The following PROCA1 variants were observed in gnomAD, a reference collection of about 807,000 sequenced individuals.
PROCA1 encodes the protein protein interacting with cyclin A1, also known as protein PROCA1.
Under a neutral mutation model 23.2 loss-of-function variants are expected in PROCA1, and 22 were observed. That is an observed-to-expected ratio of 0.95 (90% CI 0.68 to 1.35). PROCA1 has a LOEUF of 1.35. PROCA1 is among the 40% of genes most tolerant of loss of function. The pLI is 0.00. For missense variants in PROCA1, 469 were observed against 459.8 expected, an observed-to-expected ratio of 1.02 and a Z score of -0.18; for synonymous variants, 182 against 179.2, an observed-to-expected ratio of 1.02 and a Z score of -0.12.
intron 3 of PROCA1, 116 bp from the exon 4 acceptor site, chr17:28,704,551 C>T (rs1048945754): frequency 6.5e-7 from 1 of 1,544,128 alleles, no homozygotes; most frequent in Non-Finnish European, 8.7e-7. Flanking sequence ...AGACCTCCTC[C>T]CCATTTCTCT....
At chr17:28,709,362 T>C (rs2032673562) in intron 1 of PROCA1, among the ~76,000 whole-genome samples, 2 of 151,498 alleles carry the variant, frequency 1.3e-5, no homozygotes, top group African/African-American at 4.8e-5. Context: ...TTCACGCCAT[T>C]CTCCTGCCTC....
chr17:28,708,093 T>TCCGCCTCC (rs2032607346), intron 1 of PROCA1, among the ~76,000 whole-genome samples: 1 of 152,182 alleles, frequency 6.6e-6, no homozygotes, highest in African/African-American at 2.4e-5. Context: ...TACTGCACCC[T>TCCGCCTCC]CCGCCTCCCG....
chr17:28,703,609 C>T lies in PROCA1; in HGVS notation c.1044G>A (p.Arg348=). The change falls in exon 5 of 5, where the codon AGG becomes AGA. Residue 348 remains arginine, a synonymous_variant. Coordinates refer to ENST00000682792, the MANE Select transcript of PROCA1 (RefSeq NM_001366301.1). ...GGGGAGATTTTCTCTTGTTTACCTT[C>T]CTGGCTTGTGAGGGCTTTGCCCCTG... ...KKTGAKPSQA[R]KVNKRKSPPG... The T allele has an allele frequency of 1.2e-6, 2 of 1,614,234 alleles. No individual in the cohort carries two copies. Among genetic ancestry groups the T allele is most frequent in the African/African-American group, 1.3e-5 (1 of 75,068 alleles).
chr17:28,705,114 C>T (rs1043173628), intron 2 of PROCA1: 93 of 351,298 alleles, frequency 2.6e-4, no homozygotes, highest in Middle Eastern at 2.4e-3. Flanking sequence ...CAGTGGGAGG[C>T]CTCCACCAGC....
chr17:28,704,798 C>T lies in PROCA1; in HGVS notation c.221G>A (p.Cys74Tyr), dbSNP rs1301073188. Residue 74 changes from cysteine (C) to tyrosine (Y), a missense_variant, in exon 3 of 5, where the codon TGC (cysteine) becomes TAC (tyrosine). Coordinates refer to ENST00000682792, the MANE Select transcript of PROCA1 (RefSeq NM_001366301.1). Reference protein sequence around the residue: ...PDKCCWRHKQCTGHIIYPFAS... With the variant: ...PDKCCWRHKQYTGHIIYPFAS... Reference sequence around the variant, plus strand: ...GAAAGGGTAGATGATGTGCCCAGTGCACTGCTTGTGTCTCCAGCAGCACTT... The same window carrying T: ...GAAAGGGTAGATGATGTGCCCAGTGTACTGCTTGTGTCTCCAGCAGCACTT... 8.1e-6 allele frequency: 13 copies of T among 1,613,548 alleles called. No individual in the cohort carries two copies. Among genetic ancestry groups the T allele is most frequent in the Non-Finnish European group, 1.0e-5 (12 of 1,179,986 alleles).
At position 28,703,916 on chromosome 17, in the gene PROCA1, T is replaced by C. The variant is rs2032274126; in HGVS notation, c.737A>G (p.Lys246Arg). Reference protein sequence around the residue: ...VKKKKEKEKDKEEMDEKAKLK... With the variant: ...VKKKKEKEKDREEMDEKAKLK... ...CTTTGCCTTCTCATCCATCTCCTCCTTGTCTTTCTCTTTTTCCTTTTTCTT... is the reference window on the plus strand; with the variant it reads ...CTTTGCCTTCTCATCCATCTCCTCCCTGTCTTTCTCTTTTTCCTTTTTCTT... Residue 246 changes from lysine to arginine, a missense_variant, in exon 5 of 5, where the codon AAG becomes AGG. Transcript: ENST00000682792. The C allele has an allele frequency of 6.2e-7, 1 of 1,613,770 alleles. No individual in the cohort carries two copies. Among genetic ancestry groups the C allele is most frequent in the African/African-American group, 1.3e-5 (1 of 74,894 alleles).
Position 28,711,072 on chromosome 17 carries a change from G to A in PROCA1, c.91+498C>T, listed in dbSNP as rs1031752855. ...GAAGCAAGGGAGGGGCAGTGCGCCCGCGTCTCCTTGGAAATGCCTCTCTGG... is the reference window on the plus strand; with the variant it reads ...GAAGCAAGGGAGGGGCAGTGCGCCCACGTCTCCTTGGAAATGCCTCTCTGG... On this transcript the variant is annotated intron_variant, in intron 1 of 4. Coordinates refer to ENST00000682792, the MANE Select transcript of PROCA1 (RefSeq NM_001366301.1). 4.2e-6 allele frequency: 5 copies of A among 1,184,024 alleles called. 1 individual carries two copies. In the Admixed American group the frequency reaches 1.0e-4, roughly 25 times the overall value. The allele number at this position is 1,184,024 out of a possible 1,614,324, so 73.3% of individuals were successfully genotyped here.
Position 28,704,726 on chromosome 17 carries a change from T to G in PROCA1, c.293A>C (p.His98Pro), listed in dbSNP as rs1391968591. The change falls in exon 3 of 5, where the codon CAC (histidine) becomes CCC (proline). Residue 98 changes from histidine (H) to proline (P), a missense_variant. Physicochemically the swap from His to Pro is moderately conservative, Grantham distance 77 (BLOSUM62 -2). Transcript: ENST00000682792. ...CCCTCACCTAGAATTACAGTTGCAG[T>G]GGTTGACAGAGTGTAGGTGCAGGCT... is the stretch of plus-strand genomic sequence containing the variant. ...RHSLHLHSVN[H>P]CNCNSRLKDS... The G allele has an allele frequency of 6.2e-7, 1 of 1,613,976 alleles. No homozygotes were observed. The highest frequency in any genetic ancestry group is 8.5e-7 in the Non-Finnish European group (1 of 1,179,988).
rs750263863 is a variant in PROCA1, at chr17:28,703,633, T to C, written c.1020A>G (p.Thr340=). 5 of 1,614,192 alleles carry C rather than the reference T, an allele frequency of 3.1e-6. No individual in the cohort carries two copies. In the South Asian group the frequency reaches 3.3e-5, roughly 11 times the overall value. ...KRENTVQAKK[T]GAKPSQARKV... ...TCCTGGCTTGTGAGGGCTTTGCCCC[T>C]GTCTTTTTGGCCTGGACTGTGTTCT... is the stretch of plus-strand genomic sequence containing the variant. Residue 340 remains threonine, a synonymous_variant, in exon 5 of 5, where the codon ACA becomes ACG. Coordinates refer to ENST00000682792, the MANE Select transcript of PROCA1 (RefSeq NM_001366301.1).
In PROCA1 at chr17:28,711,561, C is replaced by T; in HGVS notation, c.91+9G>A. Reference sequence around the variant, plus strand: ...GCCCTCTGCCCAGCCCCTGCCCCGCCCCTCTTACCGCGGCATCTGCTCTCA... The same window carrying T: ...GCCCTCTGCCCAGCCCCTGCCCCGCTCCTCTTACCGCGGCATCTGCTCTCA... On this transcript the variant is annotated intron_variant, in intron 1 of 4. Coordinates refer to ENST00000682792, the MANE Select transcript of PROCA1 (RefSeq NM_001366301.1). 1.2e-6 allele frequency: 2 copies of T among 1,607,238 alleles called. No homozygotes were observed. The highest frequency in any genetic ancestry group is 8.5e-7 in the Non-Finnish European group (1 of 1,177,886).
At chr17:28,705,010 C>T in intron 2 of PROCA1, 167 bp from the exon 3 acceptor site, 1 of 626,960 alleles carries the variant, frequency 1.6e-6, no homozygotes. Context: ...CCCCATGTCC[C>T]AGCAAAGTGT....
rs963657314 is a variant in PROCA1 at position 28,704,164 on chromosome 17, G to A, written c.489C>T (p.Leu163=). The change falls in exon 5 of 5, where the codon CTC becomes CTT. Residue 163 remains leucine, a synonymous_variant. Coordinates refer to ENST00000682792, the MANE Select transcript of PROCA1 (RefSeq NM_001366301.1). The part of the protein sequence containing the change: ...PVSVAVIHHP[L]YHECGADDLN... The stretch of plus-strand genomic sequence containing the variant: ...GATCATCTGCCCCACACTCATGGTA[G>A]AGTGGATGGTGGATCACTGCCACAG... 6.5e-7 allele frequency: 1 copy of A among 1,545,626 alleles called. No homozygotes were observed.
intron 1 of PROCA1, among the ~76,000 whole-genome samples, chr17:28,709,004 T>C (rs2032655840): frequency 6.6e-6 from 1 of 152,020 alleles, no homozygotes; most frequent in Non-Finnish European, 1.5e-5. Flanking sequence ...TCAACTAAAA[T>C]ATATGCCTTT....
intron 2 of PROCA1, 165 bp downstream of exon 2, chr17:28,706,515 G>A (rs1395232311): frequency 8.6e-6 from 3 of 350,268 alleles, no homozygotes; most frequent in Non-Finnish European, 1.7e-5. Flanking sequence ...GCGGCCTTGA[G>A]AAAGGGGTCC....
At position 28,704,195 on chromosome 17, in the gene PROCA1, G is replaced by T. The variant is rs773245847; in HGVS notation, c.458C>A (p.Pro153His). The change falls in exon 5 of 5, where the codon CCT becomes CAT. Residue 153 changes from proline to histidine, a missense_variant. Pro to His is a moderately conservative substitution (Grantham distance 77). Transcript: ENST00000682792. ...FRYGWCKSYR[P>H]VSVAVIHHPL... ...ATGGTGGATCACTGCCACAGAGACA[G>T]GTCTGTAGCTTTTGCACCTGGGAGA... The T allele has an allele frequency of 1.3e-6, 2 of 1,548,376 alleles. No homozygotes were observed. Among genetic ancestry groups the T allele is most frequent in the Non-Finnish European group, 1.7e-6 (2 of 1,150,036 alleles).
At chr17:28,711,493 C>A (rs1364143565) in intron 1 of PROCA1, 77 bp downstream of exon 1, 2 of 1,274,440 alleles carry the variant, frequency 1.6e-6, no homozygotes, top group African/African-American at 3.1e-5. Flanking sequence ...GTCGGTTTGC[C>A]GGCTTCCCGC....
Position 28,711,747 on chromosome 17 carries a change from C to G in PROCA1, c.-87G>C, listed in dbSNP as rs2032797734. The G allele has an allele frequency of 2.5e-6, 3 of 1,208,578 alleles. No individual in the cohort carries two copies. The highest frequency in any genetic ancestry group is 2.3e-6 in the Non-Finnish European group (2 of 876,274). The allele number at this position is 1,208,578 out of a possible 1,614,324, so 74.9% of individuals were successfully genotyped here. Reference sequence around the variant, plus strand: ...AGCCCGGCCGAGCCCTCGGCCCAGCCGTGAACTCCAGTCTCGGCTTCGCCC... The same window carrying G: ...AGCCCGGCCGAGCCCTCGGCCCAGCGGTGAACTCCAGTCTCGGCTTCGCCC... On this transcript the variant is annotated 5_prime_UTR_variant, in exon 1 of 5. Coordinates refer to ENST00000682792, the MANE Select transcript of PROCA1 (RefSeq NM_001366301.1).
rs2032494498 is a variant in PROCA1, at chr17:28,706,762, A to C, written c.93T>G (p.Asp31Glu). The change falls in exon 2 of 5, where the codon GAT becomes GAG. Residue 31 changes from aspartate (D) to glutamate (E), a missense_variant and splice_region_variant. By Grantham distance (45) the Asp-to-Glu change is conservative. Transcript: ENST00000682792. ...TCTCCCAGCTGGGTAACCTGTTTAC[A>C]TCTGAGAGAGCATAGAGTGGCAGTG... ...ARSWDESRCR[D>E]VNRLPSWERG... 3 of 1,303,502 alleles carry C rather than the reference A, an allele frequency of 2.3e-6. No individual in the cohort carries two copies. The highest frequency in any genetic ancestry group is 3.0e-5 in the African/African-American group (2 of 65,666). The allele number at this position is 1,303,502 out of a possible 1,614,324, so 80.7% of individuals were successfully genotyped here. A position where few individuals can be genotyped will look rare whatever the true frequency, so the allele number is the denominator to read the frequency against.
chr17:28,706,810 G>A (rs1347392354), intron 1 of PROCA1, 47 bp from the exon 2 acceptor site: 1 of 1,299,690 alleles, frequency 7.7e-7, no homozygotes, highest in Non-Finnish European at 1.0e-6. Context: ...CCCTCCCTGT[G>A]CCATTTATTC....
Sources: allele counts gnomAD v4.1 joint callset (sites outside exome capture counted in the v4.1 genomes callset), GRCh38; gene constraint gnomAD v4.1.1; transcripts MANE v1.5; gene names NCBI Gene and HGNC (gene_info 2026-07-23, HGNC 2026-07-21).